The following WDTC1 variants were observed in gnomAD, a reference collection of about 807,000 sequenced individuals.
The protein encoded by WDTC1 is WD and tetratricopeptide repeats protein 1.
A neutral mutation model predicts 76.0 loss-of-function variants in WDTC1; 12 were observed. The observed-to-expected ratio is 0.16, with a 90% CI of 0.10 to 0.26. The LOEUF (loss-of-function observed/expected upper bound fraction) is 0.26, where lower values mean the gene tolerates loss of function less well. Among genes scored for constraint, WDTC1 ranks in the 10% least tolerant of loss-of-function variants. The pLI is 1.00. For synonymous variants in WDTC1, 326 were observed against 350.8 expected, an observed-to-expected ratio of 0.93 and a Z score of 0.79; for missense variants, 511 against 908.8, an observed-to-expected ratio of 0.56 and a Z score of 5.63.
At chr1:27,255,020 G>C (rs539965513) in intron 1 of WDTC1, among the ~76,000 whole-genome samples, 18 of 151,534 alleles carry the variant, frequency 1.2e-4, no homozygotes, top group African/African-American at 4.4e-4. Flanking sequence ...TTTCCTGCTT[G>C]TCTGGTTTCT....
intron 3 of WDTC1, among the ~76,000 whole-genome samples, chr1:27,272,011 C>T (rs113480728): frequency 0.055 from 8,146 of 148,670 alleles, 777 homozygotes; most frequent in African/African-American, 0.19. Flanking sequence ...TTTGGGAGGC[C>T]GAGGCGGGCG....
intron 12 of WDTC1, among the ~76,000 whole-genome samples, chr1:27,300,209 G>A (rs1424559074): frequency 6.6e-6 from 1 of 152,184 alleles, no homozygotes; most frequent in Non-Finnish European, 1.5e-5. Flanking sequence ...CCCATGTCAG[G>A]CCTGCCTTAG....
At chr1:27,268,552 G>A (rs553987886) in intron 3 of WDTC1, among the ~76,000 whole-genome samples, 72 of 151,582 alleles carry the variant, frequency 4.7e-4, no homozygotes, top group Non-Finnish European at 9.4e-4. Context: ...CCAAGTAGCT[G>A]TGATTACAGG....
chr1:27,266,866 A>AT (rs974544862), intron 3 of WDTC1, among the ~76,000 whole-genome samples: 19 of 152,202 alleles, frequency 1.2e-4, no homozygotes, highest in Middle Eastern at 6.8e-3. Flanking sequence ...TGGGCAAAAC[A>AT]TTTTTTCCTG....
intron 1 of WDTC1, among the ~76,000 whole-genome samples, chr1:27,254,249 T>C (rs940928863): frequency 9.9e-5 from 15 of 152,264 alleles, no homozygotes; most frequent in African/African-American, 3.1e-4. Flanking sequence ...CAAGATGAGC[T>C]CTCTACCAGT....
chr1:27,242,577 C>T (rs1450452864), intron 1 of WDTC1, among the ~76,000 whole-genome samples: 1 of 152,038 alleles, frequency 6.6e-6, no homozygotes, highest in African/African-American at 2.4e-5. Context: ...TCAAGTGATT[C>T]TCCTGCCTCA....
At chr1:27,258,914 C>T (rs1047496510) in intron 1 of WDTC1, among the ~76,000 whole-genome samples, 6 of 152,232 alleles carry the variant, frequency 3.9e-5, no homozygotes, top group Middle Eastern at 3.4e-3. Flanking sequence ...CCCTGAGAGC[C>T]GTCTTCTGAG....
intron 1 of WDTC1, among the ~76,000 whole-genome samples, chr1:27,245,930 A>G (rs570778120): frequency 2.0e-4 from 30 of 152,080 alleles, no homozygotes; most frequent in African/African-American, 6.0e-4. Context: ...TTTAGGTTCC[A>G]TCTCTGGTCT....
rs1477085053 is a variant in WDTC1, at chr1:27,292,370, A to C, written c.635A>C (p.Tyr212Ser). The C allele has an allele frequency of 6.2e-7, 1 of 1,609,578 alleles. No individual in the cohort carries two copies. The highest frequency in any genetic ancestry group is 8.5e-7 in the Non-Finnish European group (1 of 1,177,710). ...GCCAGCGGGCCCTTCGTGAGGCTCT[A>C]TGACATCCGCATGATCCATAACCAC... Reference protein sequence around the residue: ...VGASGPFVRLYDIRMIHNHRK... With the variant: ...VGASGPFVRLSDIRMIHNHRK... The change falls in exon 7 of 16, where the codon TAT becomes TCT. Residue 212 changes from tyrosine to serine, a missense_variant. Coordinates refer to ENST00000319394, the MANE Select transcript of WDTC1 (RefSeq NM_001276252.2).
Position 27,301,355 on chromosome 1 carries a change from G to A in WDTC1, c.1362G>A (p.Glu454=), listed in dbSNP as rs773726402. 1.1e-5 allele frequency: 18 copies of A among 1,614,090 alleles called. No individual in the cohort carries two copies. The highest frequency in any genetic ancestry group is 1.7e-5 in the Admixed American group (1 of 60,000). The change falls in exon 13 of 16, where the codon GAG becomes GAA. Residue 454 remains glutamate, a synonymous_variant. Transcript: ENST00000319394. The surrounding 1 kb of genome is among the most constrained non-coding windows in gnomAD (Gnocchi z 5.8). ...TCAAGTATGTGGCTGAAGCCCTGGA[G>A]TGCCTGGACGACTTCAAAGGGAAAT... is the stretch of plus-strand genomic sequence containing the variant. ...FELKYVAEAL[E]CLDDFKGKFP... is the part of the protein sequence containing the mutation.
chr1:27,287,899 C>T (rs777234737), intron 6 of WDTC1, 38 bp downstream of exon 6: 2 of 1,587,364 alleles, frequency 1.3e-6, no homozygotes, highest in Admixed American at 1.8e-5. Flanking sequence ...CTGTCGCTCC[C>T]CCATCCCATC....
chr1:27,258,050 A>G (rs1175512685), intron 1 of WDTC1, among the ~76,000 whole-genome samples: 3 of 151,156 alleles, frequency 2.0e-5, no homozygotes, highest in Non-Finnish European at 4.4e-5. Context: ...CGGCCTCCCA[A>G]AGTGCTGAGA....
intron 3 of WDTC1, among the ~76,000 whole-genome samples, chr1:27,269,861 C>T (rs867316008): frequency 1.3e-5 from 2 of 151,964 alleles, no homozygotes; most frequent in Non-Finnish European, 1.5e-5. Context: ...CCGCCTGCCT[C>T]GACCTCCCAA....
intron 1 of WDTC1, among the ~76,000 whole-genome samples, chr1:27,238,963 G>A (rs2011551828): frequency 1.4e-5 from 2 of 143,754 alleles, no homozygotes; most frequent in Admixed American, 7.0e-5. Context: ...GTCTCCCAAA[G>A]TGCTAGGATT....
chr1:27,274,722 G>A lies in WDTC1; in HGVS notation c.133-7517G>A, dbSNP rs1016199900. Among the ~76,000 whole-genome samples the A allele has an allele frequency of 1.3e-5, 2 of 152,080 alleles. No homozygotes were observed. The highest frequency in any genetic ancestry group is 4.8e-5 in the African/African-American group (2 of 41,420). The stretch of plus-strand genomic sequence containing the variant: ...ACAACTGACAAGAACCAAATATCCT[G>A]GGATTCCAGCCATGGCCTGCAGTCC... On this transcript the variant is annotated intron_variant, in intron 3 of 15. Coordinates refer to ENST00000319394, the MANE Select transcript of WDTC1 (RefSeq NM_001276252.2). This position sits in a 1 kb window ranked among gnomAD's most constrained non-coding sequence, Gnocchi z 4.2.
At chr1:27,282,993 C>A (rs2013231096) in intron 4 of WDTC1, among the ~76,000 whole-genome samples, 1 of 151,618 alleles carries the variant, frequency 6.6e-6, no homozygotes, top group South Asian at 2.1e-4. Context: ...AAAAAATTAG[C>A]CGGGTGTGGT....
rs542675327 is a variant in WDTC1, at chr1:27,306,477, C to T, written c.*94C>T. 2 of 1,401,582 alleles carry T rather than the reference C, an allele frequency of 1.4e-6. No individual in the cohort carries two copies. The highest frequency in any genetic ancestry group is 4.9e-5 in the East Asian group (2 of 40,682). 86.8% of individuals were successfully genotyped at this position (1,401,582 alleles called of 1,614,324 possible). A position where few individuals can be genotyped will look rare whatever the true frequency, so the allele number is the denominator to read the frequency against. The stretch of plus-strand genomic sequence containing the variant: ...ATTCTGTTTTGGTTTGTCTTCCCCA[C>T]CACCCTTTTTTTTCATTTCCCCTGT... On this transcript the variant is annotated 3_prime_UTR_variant, in exon 16 of 16. Transcript: ENST00000319394. This position sits in a 1 kb window ranked among gnomAD's most constrained non-coding sequence, Gnocchi z 5.0.
Position 27,274,837 on chromosome 1 carries a change from T to C in WDTC1, c.133-7402T>C, listed in dbSNP as rs2012975138. The stretch of plus-strand genomic sequence containing the variant: ...CTTGGAAGTTGTGATCACACTTTGA[T>C]TCCTGCTATTTCATTCACTTGTGGG... On this transcript the variant is annotated intron_variant, in intron 3 of 15. Coordinates refer to ENST00000319394, the MANE Select transcript of WDTC1 (RefSeq NM_001276252.2). The surrounding 1 kb of genome is among the most constrained non-coding windows in gnomAD (Gnocchi z 4.2). 6.6e-6 allele frequency among the ~76,000 whole-genome samples: 1 copy of C among 152,198 alleles called. No individual in the cohort carries two copies. The highest frequency in any genetic ancestry group is 1.9e-4 in the East Asian group (1 of 5,200).
intron 6 of WDTC1, among the ~76,000 whole-genome samples, chr1:27,289,121 G>A (rs1279217450): frequency 6.7e-6 from 1 of 148,814 alleles, no homozygotes; most frequent in Admixed American, 6.6e-5. Context: ...CGGCTGGCTG[G>A]GCAGAGGGGC....
Sources: allele counts gnomAD v4.1 joint callset (sites outside exome capture counted in the v4.1 genomes callset), GRCh38; gene constraint gnomAD v4.1.1; non-coding constraint Gnocchi (gnomAD v3.1); transcripts MANE v1.5; gene names NCBI Gene and HGNC (gene_info 2026-07-23, HGNC 2026-07-21).